The following PTGES3 variants were observed in gnomAD, a reference collection of about 807,000 sequenced individuals.
PTGES3 encodes Hsp90 co-chaperone.
PTGES3 carries 5 observed loss-of-function variants against 29.9 expected under a neutral mutation model. The observed-to-expected ratio is 0.17, with a 90% CI of 0.09 to 0.35. The LOEUF is 0.35. Among genes scored for constraint, PTGES3 ranks in the 10% least tolerant of loss-of-function variants. The pLI is 1.00. For missense variants in PTGES3, 128 were observed against 190.0 expected, an observed-to-expected ratio of 0.67 and a Z score of 1.92; for synonymous variants, 49 against 57.8, an observed-to-expected ratio of 0.85 and a Z score of 0.69.
chr12:56,671,896 A>G (rs1431095487), intron 3 of PTGES3, 49 bp from the exon 4 acceptor site: 3 of 1,115,434 alleles, frequency 2.7e-6, no homozygotes, highest in African/African-American at 3.2e-5. Flanking sequence ...GCATCACTAC[A>G]TGATAGAAAA....
intron 1 of PTGES3, among the ~76,000 whole-genome samples, chr12:56,683,828 G>A (rs562628414): frequency 1.3e-5 from 2 of 150,428 alleles, no homozygotes; most frequent in African/African-American, 2.4e-5. Context: ...GCGAGGTGGC[G>A]GGTGCCTGTA....
At chr12:56,669,913 G>T (rs1222893104) in intron 5 of PTGES3, among the ~76,000 whole-genome samples, 1 of 143,326 alleles carries the variant, frequency 7.0e-6, no homozygotes, top group Non-Finnish European at 1.5e-5. Flanking sequence ...CCGGCCAAAA[G>T]TTTATAGTCT....
At chr12:56,686,842 G>A in intron 1 of PTGES3, 2 of 397,898 alleles carry the variant, frequency 5.0e-6, no homozygotes, top group African/African-American at 2.1e-5. Context: ...TCAGTATCAT[G>A]ACTTGAATCA....
At chr12:56,671,027 C>T (rs997278730) in intron 4 of PTGES3, among the ~76,000 whole-genome samples, 15 of 152,018 alleles carry the variant, frequency 9.9e-5, no homozygotes, top group African/African-American at 3.1e-4. Flanking sequence ...GTGGGAGGAT[C>T]GCTTAAGCCC....
chr12:56,676,621 G>A (rs1174550048), intron 1 of PTGES3, among the ~76,000 whole-genome samples: 1 of 152,108 alleles, frequency 6.6e-6, no homozygotes, highest in Non-Finnish European at 1.5e-5. Flanking sequence ...AATGTGGAAA[G>A]CCACAAGAGT....
chr12:56,685,205 A>G (rs2137735308), intron 1 of PTGES3, among the ~76,000 whole-genome samples: 1 of 152,284 alleles, frequency 6.6e-6, no homozygotes, highest in African/African-American at 2.4e-5. Context: ...TCCACTTCAA[A>G]TAACTGACTT....
At chr12:56,683,128 T>C (rs947296495) in intron 1 of PTGES3, among the ~76,000 whole-genome samples, 1 of 151,610 alleles carries the variant, frequency 6.6e-6, no homozygotes, top group African/African-American at 2.4e-5. Flanking sequence ...GGCGCGTGGA[T>C]CATGAGGTCA....
chr12:56,672,270 G>A (rs1952033727), intron 3 of PTGES3, among the ~76,000 whole-genome samples: 4 of 152,134 alleles, frequency 2.6e-5, no homozygotes, highest in South Asian at 2.1e-4. Context: ...TTGGGAGGCC[G>A]AGGCAGGTGG....
At position 56,664,352 on chromosome 12, in the gene PTGES3, A is replaced by T; in HGVS notation, c.*127T>A. 1 of 1,110,706 alleles carries T rather than the reference A, an allele frequency of 9.0e-7. No individual in the cohort carries two copies. The highest frequency in any genetic ancestry group is 1.4e-5 in the South Asian group (1 of 70,374). 68.8% of individuals were successfully genotyped at this position (1,110,706 alleles called of 1,614,324 possible). Reference sequence around the variant, plus strand: ...CTTTTAAAAAACAAACAGGTTGAAAAATGGGTTAAAGTAGGCAAATACAGC... The same window carrying T: ...CTTTTAAAAAACAAACAGGTTGAAATATGGGTTAAAGTAGGCAAATACAGC... On this transcript the variant is annotated 3_prime_UTR_variant, in exon 8 of 8. Coordinates refer to ENST00000262033, the MANE Select transcript of PTGES3 (RefSeq NM_006601.7).
At chr12:56,684,746 C>T (rs1335386058) in intron 1 of PTGES3, among the ~76,000 whole-genome samples, 1 of 152,138 alleles carries the variant, frequency 6.6e-6, no homozygotes, top group Non-Finnish European at 1.5e-5. Flanking sequence ...AGCGGAAAAT[C>T]TTAAGTGGGG....
intron 1 of PTGES3, chr12:56,686,770 C>G (rs1952883503): frequency 2.5e-6 from 1 of 397,674 alleles, no homozygotes; most frequent in South Asian, 1.3e-4. Flanking sequence ...AAGCTTGTTC[C>G]CAGTGATAAA....
intron 5 of PTGES3, among the ~76,000 whole-genome samples, chr12:56,667,094 A>G (rs1006975713): frequency 2.7e-5 from 4 of 149,722 alleles, no homozygotes; most frequent in African/African-American, 9.9e-5. Flanking sequence ...TAGTTTTTGT[A>G]TCTTTGGTAG....
At chr12:56,676,885 C>A (rs1337312209) in intron 1 of PTGES3, among the ~76,000 whole-genome samples, 1 of 122,410 alleles carries the variant, frequency 8.2e-6, no homozygotes, top group Non-Finnish European at 1.6e-5. Flanking sequence ...CGTGCCACTG[C>A]ACTGCAGCCT....
In PTGES3 at chr12:56,672,826, A is replaced by C. The variant is rs754960670; in HGVS notation, c.117-17T>G. 6.4e-7 allele frequency: 1 copy of C among 1,569,166 alleles called. No individual in the cohort carries two copies. The highest frequency in any genetic ancestry group is 1.2e-5 in the South Asian group (1 of 84,200). On this transcript the variant is annotated splice_polypyrimidine_tract_variant and intron_variant, in intron 2 of 7. Transcript: ENST00000262033. ...CCGAGACAACTGTATAAAATAATAA[A>C]GAAAGAATTAAGCCTCTTCAAAGAG...
intron 4 of PTGES3, 59 bp from the exon 5 acceptor site, chr12:56,670,423 T>A (rs887572443): frequency 8.0e-7 from 1 of 1,243,442 alleles, no homozygotes; most frequent in African/African-American, 1.5e-5. Flanking sequence ...GGCATGAACC[T>A]TAAGACTACG....
At chr12:56,687,941 C>G in intron 1 of PTGES3, 57 bp downstream of exon 1, 1 of 1,603,700 alleles carries the variant, frequency 6.2e-7, no homozygotes, top group Non-Finnish European at 8.5e-7. Flanking sequence ...CCAGGGAGCC[C>G]CCAACGCGGC....
chr12:56,672,890 G>C (rs1592253430), intron 2 of PTGES3, 62 bp downstream of exon 2: 3 of 1,552,688 alleles, frequency 1.9e-6, no homozygotes, highest in Admixed American at 2.0e-5. Context: ...AGACAAGCCA[G>C]TCAAAGTTAT....
At chr12:56,687,437 A>G (rs1480820335) in intron 1 of PTGES3, 1 of 987,656 alleles carries the variant, frequency 1.0e-6, no homozygotes, top group Non-Finnish European at 1.2e-6. Context: ...AAACCCAGAC[A>G]CTGGAGAGGG....
chr12:56,675,545 G>C (rs1024504341), intron 1 of PTGES3, among the ~76,000 whole-genome samples: 1 of 144,536 alleles, frequency 6.9e-6, no homozygotes, highest in African/African-American at 2.6e-5. Context: ...AAAAAAATGT[G>C]AATGAGATAA....
Sources: allele counts gnomAD v4.1 joint callset (sites outside exome capture counted in the v4.1 genomes callset), GRCh38; gene constraint gnomAD v4.1.1; transcripts MANE v1.5; gene names NCBI Gene and HGNC (gene_info 2026-07-23, HGNC 2026-07-21).